Variants in WDR72 observed in about 807,000 individuals in gnomAD.
The protein encoded by WDR72 is WD repeat domain 72, also known as WD repeat-containing protein 72.
WDR72 carries 120 observed loss-of-function variants against 124.2 expected under a neutral mutation model. The ratio of observed to expected loss-of-function variants is 0.97; its 90% CI spans 0.83 to 1.12. WDR72 has a LOEUF of 1.12. Ranked by LOEUF, WDR72 falls within the 50% of genes most tolerant of loss-of-function variation. The probability of loss-of-function intolerance (pLI) is 0.00; values close to 1 mark genes in which losing one functional copy is unlikely to be tolerated. For synonymous variants in WDR72, 452 were observed against 441.7 expected (o/e 1.02, Z -0.29); for missense variants, 1,387 against 1,278.8 (o/e 1.08, Z -1.29).
rs375136901 is a variant in WDR72 at position 53,671,793 on chromosome 15, A to G, written c.1766-6025T>C. Among the ~76,000 whole-genome samples the G allele has an allele frequency of 9.2e-5, 14 of 152,276 alleles. No individual in the cohort carries two copies. In the East Asian group the frequency reaches 2.1e-3, roughly 23 times the overall value. ...GACAGCGAGTCAGTTTCTGAATGTG[A>G]CGTGTTGTCTTGACCTGTGAACTAG... On this transcript the variant is annotated intron_variant, in intron 13 of 19. Coordinates refer to ENST00000360509, the MANE Select transcript of WDR72 (RefSeq NM_182758.4).
chr15:53,725,302 C>T (rs573825539), intron 2 of WDR72, among the ~76,000 whole-genome samples: 2 of 152,230 alleles, frequency 1.3e-5, no homozygotes, highest in African/African-American at 4.8e-5. Context: ...ACATTGGCAA[C>T]ATCAAATGCT....
chr15:53,534,170 AG>A (rs1458669352), intron 18 of WDR72, among the ~76,000 whole-genome samples: 2 of 152,158 alleles, frequency 1.3e-5, no homozygotes, highest in African/African-American at 4.8e-5. Context: ...GGAAATTTAT[AG>A]ATTATATGTT....
At chr15:53,755,497 T>C (rs147009203) in intron 1 of WDR72, among the ~76,000 whole-genome samples, 29 of 152,346 alleles carry the variant, frequency 1.9e-4, no homozygotes, top group African/African-American at 6.7e-4. Flanking sequence ...AGCACAGGGT[T>C]TTGCACATTT....
At chr15:53,671,454 A>G (rs2015985591) in intron 13 of WDR72, among the ~76,000 whole-genome samples, 1 of 152,142 alleles carries the variant, frequency 6.6e-6, no homozygotes, top group African/African-American at 2.4e-5. Flanking sequence ...TCCCCAACAG[A>G]TACTAAACTC....
chr15:53,537,859 T>C (rs578235678), intron 18 of WDR72, among the ~76,000 whole-genome samples: 4 of 152,202 alleles, frequency 2.6e-5, no homozygotes, highest in Non-Finnish European at 4.4e-5. Flanking sequence ...ATTATCTTGA[T>C]CTTCATTGAA....
Position 53,690,106 on chromosome 15 carries a change from A to T in WDR72, c.1765+9644T>A, listed in dbSNP as rs1350035295. ...GGGGAGGGATAGCACTGGGAGATAT[A>T]CCTAATGCTAGATGACAAGTTAGTG... On this transcript the variant is annotated intron_variant, in intron 13 of 19. Transcript: ENST00000360509. 2.7e-5 allele frequency among the ~76,000 whole-genome samples: 4 copies of T among 150,506 alleles called. No homozygotes were observed. The East Asian group carries it at 8.0e-4, about 30-fold the overall frequency.
At chr15:53,663,938 T>C (rs2015692389) in intron 14 of WDR72, among the ~76,000 whole-genome samples, 2 of 141,970 alleles carry the variant, frequency 1.4e-5, no homozygotes, top group Admixed American at 6.7e-5. Flanking sequence ...ATAGGAAAAA[T>C]AGGTTTTAAA....
At chr15:53,619,633 G>A (rs2013908752) in intron 14 of WDR72, among the ~76,000 whole-genome samples, 1 of 151,960 alleles carries the variant, frequency 6.6e-6, no homozygotes. Context: ...ATGAGCTTAT[G>A]CTGTGGTATC....
At chr15:53,674,376 G>A (rs1040174780) in intron 13 of WDR72, among the ~76,000 whole-genome samples, 2 of 152,100 alleles carry the variant, frequency 1.3e-5, no homozygotes, top group African/African-American at 2.4e-5. Context: ...TTTATTTTCA[G>A]TTACTCATGA....
chr15:53,736,646 A>G (rs952909167), intron 1 of WDR72, among the ~76,000 whole-genome samples: 2 of 152,184 alleles, frequency 1.3e-5, no homozygotes, highest in Non-Finnish European at 2.9e-5. Context: ...TCCTGAGAGC[A>G]CTTGTAGGAT....
At chr15:53,533,397 C>T (rs914087336) in intron 18 of WDR72, among the ~76,000 whole-genome samples, 47 of 152,144 alleles carry the variant, frequency 3.1e-4, no homozygotes, top group East Asian at 1.4e-3. Context: ...TACCCTCCTT[C>T]TGTTTGACAT....
chr15:53,704,502 T>C (rs1258514813), intron 11 of WDR72, among the ~76,000 whole-genome samples: 2 of 151,646 alleles, frequency 1.3e-5, no homozygotes, highest in South Asian at 2.1e-4. Context: ...TGTAGCCTTC[T>C]GCTTGAGTTT....
chr15:53,550,020 G>A (rs1247413626), intron 18 of WDR72, among the ~76,000 whole-genome samples: 3 of 152,080 alleles, frequency 2.0e-5, no homozygotes, highest in Non-Finnish European at 4.4e-5. Context: ...TCCAGAAAGC[G>A]GAAGTTCAAT....
chr15:53,588,212 C>T (rs2012319126), intron 18 of WDR72, among the ~76,000 whole-genome samples: 1 of 151,998 alleles, frequency 6.6e-6, no homozygotes, highest in Non-Finnish European at 1.5e-5. Context: ...TACACATCCA[C>T]TCACTCAGGC....
chr15:53,751,605 TACAACAGAACCC>T (rs962432288), intron 1 of WDR72, among the ~76,000 whole-genome samples: 8 of 152,190 alleles, frequency 5.3e-5, no homozygotes, highest in Admixed American at 3.3e-4. Context: ...GAATCAAACC[TACAACAGAACCC>T]ACCATATCTC....
chr15:53,668,581 G>T (rs549170398), intron 13 of WDR72, among the ~76,000 whole-genome samples: 86 of 152,174 alleles, frequency 5.7e-4, no homozygotes, highest in African/African-American at 2.0e-3. Context: ...TGGACAGAGC[G>T]TGCTGGAAAC....
At chr15:53,529,174 TTTTTTTTA>T (rs1394776605) in intron 18 of WDR72, among the ~76,000 whole-genome samples, 1 of 130,942 alleles carries the variant, frequency 7.6e-6, no homozygotes, top group African/African-American at 3.4e-5. Flanking sequence ...ATTTTTTTTT[TTTTTTTTA>T]AAAGAATATA....
Position 53,654,574 on chromosome 15 carries a change from G to A in WDR72, c.1962+10998C>T, listed in dbSNP as rs1025113323. On this transcript the variant is annotated intron_variant, in intron 14 of 19. Coordinates refer to ENST00000360509, the MANE Select transcript of WDR72 (RefSeq NM_182758.4). ...GTGGCCCCATAGCTGGGCCTTTGCG[G>A]TAGGTGCACAAGAACAGTGAAGCAA... Among the ~76,000 whole-genome samples, 4 of 152,198 alleles carry A rather than the reference G, an allele frequency of 2.6e-5. No homozygotes were observed. In the East Asian group the frequency reaches 7.7e-4, roughly 29 times the overall value.
chr15:53,687,477 T>A (rs1298903458), intron 13 of WDR72, among the ~76,000 whole-genome samples: 1 of 151,446 alleles, frequency 6.6e-6, no homozygotes, highest in Non-Finnish European at 1.5e-5. Context: ...ATGGATAAAT[T>A]CCTTGACACA....
Sources: allele counts gnomAD v4.1 joint callset (sites outside exome capture counted in the v4.1 genomes callset), GRCh38; gene constraint gnomAD v4.1.1; transcripts MANE v1.5; gene names NCBI Gene and HGNC (gene_info 2026-07-23, HGNC 2026-07-21).